Variants in TNFRSF17 observed in about 807,000 individuals in gnomAD.
The protein encoded by TNFRSF17 is TNF receptor superfamily member 17.
TNFRSF17 carries 13 observed loss-of-function variants against 9.9 expected under a neutral mutation model. That is an observed-to-expected ratio of 1.31 (90% CI 0.85 to 2.08). The LOEUF (loss-of-function observed/expected upper bound fraction) is 2.08. TNFRSF17 is among the 30% of genes most tolerant of loss of function. The pLI is 0.00. For missense variants in TNFRSF17, 305 were observed against 225.8 expected, an observed-to-expected ratio of 1.35 and a Z score of -2.25; for synonymous variants, 99 against 83.7, an observed-to-expected ratio of 1.18 and a Z score of -1.00.
chr16:11,965,227 A>G lies in TNFRSF17; in HGVS notation c.-98A>G. ...CGAAGTTCATTGTTCTCAACATTCT[A>G]GCTGCTCTTGCTGCATTTGCTCTGG... is the stretch of plus-strand genomic sequence containing the variant. On this transcript the variant is annotated 5_prime_UTR_variant, in exon 1 of 3. Coordinates refer to ENST00000053243, the MANE Select transcript of TNFRSF17 (RefSeq NM_001192.3). The G allele has an allele frequency of 4.6e-6, 7 of 1,513,434 alleles. No individual in the cohort carries two copies. Among genetic ancestry groups the G allele is most frequent in the Non-Finnish European group, 6.3e-6 (7 of 1,107,758 alleles). The allele number at this position is 1,513,434 out of a possible 1,614,324, so 93.8% of individuals were successfully genotyped here. A position where few individuals can be genotyped will look rare whatever the true frequency, so the allele number is the denominator to read the frequency against.
chr16:11,965,657 C>T (rs1272790341), intron 1 of TNFRSF17, among the ~76,000 whole-genome samples: 1 of 151,976 alleles, frequency 6.6e-6, no homozygotes, highest in Non-Finnish European at 1.5e-5. Flanking sequence ...GCACTATTAG[C>T]AACATAGATT....
chr16:11,967,892 C>G lies in TNFRSF17; in HGVS notation c.*45C>G, dbSNP rs1426677873. The G allele has an allele frequency of 6.3e-7, 1 of 1,590,822 alleles. No homozygotes were observed. The highest frequency in any genetic ancestry group is 8.6e-7 in the Non-Finnish European group (1 of 1,167,610). ...CAGTGCCACTTTAAAAATCTTTTGT[C>G]AGAATAGATGATGTGTCAGATCTCT... On this transcript the variant is annotated 3_prime_UTR_variant, in exon 3 of 3. Transcript: ENST00000053243.
intron 1 of TNFRSF17, 135 bp from the exon 2 acceptor site, chr16:11,966,060 G>C (rs1474859060): frequency 2.6e-6 from 2 of 780,998 alleles, no homozygotes; most frequent in East Asian, 6.7e-5. Flanking sequence ...GCAGTGAGCC[G>C]AGATCGCGCC....
chr16:11,966,438 G>A (rs531066231), intron 2 of TNFRSF17, 97 bp downstream of exon 2: 30 of 1,250,384 alleles, frequency 2.4e-5, no homozygotes, highest in Non-Finnish European at 3.0e-5. Context: ...ATTTCACTTC[G>A]TTACAGCCCT....
chr16:11,967,825 A>G lies in TNFRSF17; in HGVS notation c.533A>G (p.Glu178Gly), dbSNP rs767044556. The change falls in exon 3 of 3, where the codon GAG becomes GGG. Residue 178 changes from glutamate (E) to glycine (G), a missense_variant. Physicochemically the swap from Glu to Gly is moderately conservative, Grantham distance 98. Transcript: ENST00000053243. Reference sequence around the variant, plus strand: ...GCTGCTTTGAGTGCTACGGAGATAGAGAAATCAATTTCTGCTAGGTAATTA... The same window carrying G: ...GCTGCTTTGAGTGCTACGGAGATAGGGAAATCAATTTCTGCTAGGTAATTA... Reference protein sequence around the residue: ...LPAALSATEIEKSISAR With the variant: ...LPAALSATEIGKSISAR 6.2e-7 allele frequency: 1 copy of G among 1,613,994 alleles called. No individual in the cohort carries two copies. The highest frequency in any genetic ancestry group is 8.5e-7 in the Non-Finnish European group (1 of 1,179,932).
In TNFRSF17 at chr16:11,966,410, C is replaced by CT. The variant is rs944175416; in HGVS notation, c.277+76dup. ...GCTATTGTGAGTTTCAGTTCCTTTT[C>CT]TTTTTTTAGCGTTGACTATTTCACT... On this transcript the variant is annotated intron_variant, in intron 2 of 2. Transcript: ENST00000053243. 6 of 1,496,828 alleles carry CT rather than the reference C, an allele frequency of 4.0e-6. No individual in the cohort carries two copies. The African/African-American group carries it at 4.2e-5, about 11-fold the overall frequency. 92.7% of individuals were successfully genotyped at this position (1,496,828 alleles called of 1,614,324 possible).
In TNFRSF17 at chr16:11,965,660, CAT is replaced by C. The variant is rs369064553; in HGVS notation, c.130+208_130+209del. Among the ~76,000 whole-genome samples the C allele has an allele frequency of 3.7e-4, 56 of 152,114 alleles. 1 individual carries two copies. Among genetic ancestry groups the C allele is most frequent in the African/African-American group, 1.3e-3 (56 of 41,488 alleles). On this transcript the variant is annotated intron_variant, in intron 1 of 2. Coordinates refer to ENST00000053243, the MANE Select transcript of TNFRSF17 (RefSeq NM_001192.3). Reference sequence around the variant, plus strand: ...TGATATGATTCAGCACTATTAGCAACATAGATTTTTTTTAAAAATCAGCTCTT... The same window carrying C: ...TGATATGATTCAGCACTATTAGCAACAGATTTTTTTTAAAAATCAGCTCTT...
chr16:11,965,967 TG>T (rs2055190054), intron 1 of TNFRSF17, among the ~76,000 whole-genome samples: 1 of 151,934 alleles, frequency 6.6e-6, no homozygotes, highest in African/African-American at 2.4e-5. Flanking sequence ...AAAAATTAGC[TG>T]GGCATGGTGG....
rs989485945 is a variant in TNFRSF17, at chr16:11,967,997, C to G, written c.*150C>G. ...GAAACTCTTTATGTTAGATATATTT[C>G]TCTAGGTTACTGTTGGGAGCTTAAT... On this transcript the variant is annotated 3_prime_UTR_variant, in exon 3 of 3. Coordinates refer to ENST00000053243, the MANE Select transcript of TNFRSF17 (RefSeq NM_001192.3). 1.2e-6 allele frequency: 1 copy of G among 864,150 alleles called. No homozygotes were observed. The highest frequency in any genetic ancestry group is 1.7e-6 in the Non-Finnish European group (1 of 582,628). The allele number at this position is 864,150 out of a possible 1,614,324, so 53.5% of individuals were successfully genotyped here.
Position 11,965,461 on chromosome 16 carries a change from A to T in TNFRSF17, c.130+7A>T. ...CAGCGTTATTGTAATGCAAGTAAGT[A>T]ATATTGCTTGAACGATTATTCATTG... is the stretch of plus-strand genomic sequence containing the variant. On this transcript the variant is annotated splice_region_variant and intron_variant, in intron 1 of 2. Coordinates refer to ENST00000053243, the MANE Select transcript of TNFRSF17 (RefSeq NM_001192.3). 2 of 1,613,708 alleles carry T rather than the reference A, an allele frequency of 1.2e-6. No individual in the cohort carries two copies. Among genetic ancestry groups the T allele is most frequent in the South Asian group, 1.1e-5 (1 of 91,042 alleles).
At chr16:11,966,722 T>C (rs11570151) in intron 2 of TNFRSF17, among the ~76,000 whole-genome samples, 17,697 of 152,226 alleles carry the variant, frequency 0.12, 1,341 homozygotes, top group South Asian at 0.2. Context: ...TCTATGGTCA[T>C]GTTTTTATAC....
chr16:11,965,369 C>G lies in TNFRSF17; in HGVS notation c.45C>G (p.Asp15Glu), dbSNP rs1471582191. Reference protein sequence around the residue: ...AGQCSQNEYFDSLLHACIPCQ... With the variant: ...AGQCSQNEYFESLLHACIPCQ... ...AGTGCTCCCAAAATGAATATTTTGA[C>G]AGTTTGTTGCATGCTTGCATACCTT... The change falls in exon 1 of 3, where the codon GAC becomes GAG. Residue 15 changes from aspartate to glutamate, a missense_variant. By Grantham distance (45) the Asp-to-Glu change is conservative. Coordinates refer to ENST00000053243, the MANE Select transcript of TNFRSF17 (RefSeq NM_001192.3). The G allele has an allele frequency of 1.2e-6, 2 of 1,614,176 alleles. No individual in the cohort carries two copies. The highest frequency in any genetic ancestry group is 1.7e-5 in the Admixed American group (1 of 60,014).
At position 11,967,819 on chromosome 16, in the gene TNFRSF17, A is replaced by C. The variant is rs751473650; in HGVS notation, c.527A>C (p.Glu176Ala). 8.5e-5 allele frequency: 137 copies of C among 1,613,864 alleles called. 1 individual carries two copies. The highest frequency in any genetic ancestry group is 1.1e-4 in the Non-Finnish European group (129 of 1,179,938). Reference sequence around the variant, plus strand: ...CTGCCAGCTGCTTTGAGTGCTACGGAGATAGAGAAATCAATTTCTGCTAGG... The same window carrying C: ...CTGCCAGCTGCTTTGAGTGCTACGGCGATAGAGAAATCAATTTCTGCTAGG... Reference protein sequence around the residue: ...KSLPAALSATEIEKSISAR With the variant: ...KSLPAALSATAIEKSISAR The change falls in exon 3 of 3, where the codon GAG becomes GCG. Residue 176 changes from glutamate to alanine, a missense_variant. By Grantham distance (107) the Glu-to-Ala change is moderately radical (BLOSUM62 -1). Coordinates refer to ENST00000053243, the MANE Select transcript of TNFRSF17 (RefSeq NM_001192.3).
intron 2 of TNFRSF17, among the ~76,000 whole-genome samples, chr16:11,966,865 C>G (rs1162676096): frequency 6.6e-6 from 1 of 152,098 alleles, no homozygotes; most frequent in African/African-American, 2.4e-5. Flanking sequence ...GAACCAGTCC[C>G]AGAAAAATGA....
rs759685287 is a variant in TNFRSF17, at chr16:11,967,706, C to G, written c.414C>G (p.Val138=). 1 of 1,614,150 alleles carries G rather than the reference C, an allele frequency of 6.2e-7. No homozygotes were observed. Among genetic ancestry groups the G allele is most frequent in the Non-Finnish European group, 8.5e-7 (1 of 1,180,030 alleles). Residue 138 remains valine, a synonymous_variant, in exon 3 of 3, where the codon GTC becomes GTG. Coordinates refer to ENST00000053243, the MANE Select transcript of TNFRSF17 (RefSeq NM_001192.3). ...ACTGCATCAAGAGCAAACCGAAGGTCGACTCTGACCATTGCTTTCCACTCC... is the reference window on the plus strand; with the variant it reads ...ACTGCATCAAGAGCAAACCGAAGGTGGACTCTGACCATTGCTTTCCACTCC... ...CEDCIKSKPK[V]DSDHCFPLPA...
rs1281461136 is a variant in TNFRSF17 at position 11,965,321 on chromosome 16, G to A, written c.-4G>A. ...TGTAGCTCCCTTGTTTTCTTTTTGT[G>A]ATCATGTTGCAGATGGCTGGGCAGT... On this transcript the variant is annotated 5_prime_UTR_variant, in exon 1 of 3. Transcript: ENST00000053243. 6.2e-7 allele frequency: 1 copy of A among 1,613,794 alleles called. No individual in the cohort carries two copies.
chr16:11,965,653 T>C (rs11570143), intron 1 of TNFRSF17, among the ~76,000 whole-genome samples, 199 bp downstream of exon 1: 3,126 of 152,284 alleles, frequency 0.021, 91 homozygotes, highest in African/African-American at 0.071. Context: ...TTCAGCACTA[T>C]TAGCAACATA....
chr16:11,966,380 G>C (rs765247305), intron 2 of TNFRSF17, 39 bp downstream of exon 2: 1 of 1,592,162 alleles, frequency 6.3e-7, no homozygotes, highest in Non-Finnish European at 8.6e-7. Context: ...TATTTCCAGG[G>C]GATGGCTATT....
rs539311998 is a variant in TNFRSF17, at chr16:11,967,863, C to T, written c.*16C>T. On this transcript the variant is annotated 3_prime_UTR_variant, in exon 3 of 3. Coordinates refer to ENST00000053243, the MANE Select transcript of TNFRSF17 (RefSeq NM_001192.3). ...TGCTAGGTAATTAACCATTTCGACTCGAGCAGTGCCACTTTAAAAATCTTT... is the reference window on the plus strand; with the variant it reads ...TGCTAGGTAATTAACCATTTCGACTTGAGCAGTGCCACTTTAAAAATCTTT... 46 of 1,607,030 alleles carry T rather than the reference C, an allele frequency of 2.9e-5. No homozygotes were observed. Among genetic ancestry groups the T allele is most frequent in the African/African-American group, 5.4e-5 (4 of 74,736 alleles).
Sources: gnomAD v4.1 joint callset for allele counts (sites outside exome capture counted in the v4.1 genomes callset) on GRCh38, gnomAD v4.1.1 for gene constraint, MANE v1.5 for transcripts, NCBI Gene and HGNC (gene_info 2026-07-23, HGNC 2026-07-21) for gene names.